AGBL4: variants seen among roughly 807,000 people sequenced by gnomAD.
AGBL4 encodes cytosolic carboxypeptidase 6.
Under a neutral mutation model 66.4 loss-of-function variants are expected in AGBL4, and 58 were observed. That is an observed-to-expected ratio of 0.87 (90% CI 0.71 to 1.09). The LOEUF is 1.09. Among genes scored for constraint, AGBL4 ranks in the 50% least tolerant of loss-of-function variants. The pLI, the probability that AGBL4 is intolerant of heterozygous loss-of-function variation, is 0.00. For synonymous variants in AGBL4, 234 were observed against 222.9 expected (o/e 1.05, Z -0.44); for missense variants, 579 against 631.0 (o/e 0.92, Z 0.88).
chr1:49,410,025 T>C (rs1645284509), intron 3 of AGBL4, among the ~76,000 whole-genome samples: 1 of 152,220 alleles, frequency 6.6e-6, no homozygotes. Flanking sequence ...GATGGATGTG[T>C]GGGTCCCTGA....
At chr1:49,849,046 G>A (rs1646233468) in intron 2 of AGBL4, among the ~76,000 whole-genome samples, 2 of 152,122 alleles carry the variant, frequency 1.3e-5, no homozygotes, top group South Asian at 2.1e-4. Context: ...GTGGGGGGAT[G>A]AGTTCAGGGA....
chr1:49,841,890 G>T, intron 2 of AGBL4: 1 of 622,196 alleles, frequency 1.6e-6, no homozygotes, highest in South Asian at 1.6e-5. Context: ...GCCAGGGCAT[G>T]ACCCCTGGGC....
At chr1:49,753,470 A>G (rs1651638392) in intron 2 of AGBL4, among the ~76,000 whole-genome samples, 1 of 152,132 alleles carries the variant, frequency 6.6e-6, no homozygotes, top group Non-Finnish European at 1.5e-5. Context: ...TTTGCGGGTA[A>G]TCTGACCTTT....
chr1:49,366,984 G>C (rs1056564314), intron 3 of AGBL4, among the ~76,000 whole-genome samples: 2 of 152,168 alleles, frequency 1.3e-5, no homozygotes, highest in Non-Finnish European at 2.9e-5. Context: ...GTGAGGCACA[G>C]ACATAGACAT....
At chr1:50,022,725 C>T (rs1032463472) in intron 1 of AGBL4, among the ~76,000 whole-genome samples, 1 of 151,448 alleles carries the variant, frequency 6.6e-6, no homozygotes, top group African/African-American at 2.4e-5. Context: ...GACATATATA[C>T]AAGGTTATGT....
chr1:48,776,875 G>A, intron 6 of AGBL4: 3 of 1,378,720 alleles, frequency 2.2e-6, no homozygotes, highest in South Asian at 1.4e-5. Flanking sequence ...CTCAGCCCGC[G>A]GGGCGGGCGC....
At chr1:49,463,121 T>C (rs953029920) in intron 3 of AGBL4, among the ~76,000 whole-genome samples, 14 of 151,750 alleles carry the variant, frequency 9.2e-5, no homozygotes, top group African/African-American at 3.4e-4. Flanking sequence ...TAATGCAATA[T>C]ACATAGGACA....
intron 6 of AGBL4, among the ~76,000 whole-genome samples, chr1:48,771,968 G>C (rs1570618358): frequency 6.6e-6 from 1 of 152,292 alleles, no homozygotes; most frequent in Admixed American, 6.5e-5. Flanking sequence ...CCTACGGCAG[G>C]TTTCTGTTCT....
chr1:49,382,671 C>A (rs942515602), intron 3 of AGBL4, among the ~76,000 whole-genome samples: 4 of 151,726 alleles, frequency 2.6e-5, no homozygotes, highest in Non-Finnish European at 4.4e-5. Flanking sequence ...GAGTAATTAG[C>A]CAAGAAAAAG....
At chr1:50,015,482 C>A (rs1392984898) in intron 1 of AGBL4, among the ~76,000 whole-genome samples, 2 of 152,164 alleles carry the variant, frequency 1.3e-5, no homozygotes, top group African/African-American at 4.8e-5. Flanking sequence ...CAGAGTGAGA[C>A]CTTGCCTCTA....
intron 1 of AGBL4, among the ~76,000 whole-genome samples, chr1:50,008,942 T>C (rs188617699): frequency 2.7e-4 from 41 of 152,002 alleles, no homozygotes; most frequent in Admixed American, 1.2e-3. Flanking sequence ...CCTACCAAGA[T>C]TGAACCATAA....
intron 3 of AGBL4, among the ~76,000 whole-genome samples, chr1:49,494,702 C>A (rs1486695420): frequency 6.6e-6 from 1 of 151,996 alleles, no homozygotes; most frequent in African/African-American, 2.4e-5. Flanking sequence ...GGTTCCAAGT[C>A]TTTGCTATTG....
intron 4 of AGBL4, among the ~76,000 whole-genome samples, chr1:49,133,658 T>C (rs1171638707): frequency 6.6e-6 from 1 of 152,124 alleles, no homozygotes; most frequent in Non-Finnish European, 1.5e-5. Flanking sequence ...TTGGTAAACA[T>C]ATTTTCTAAG....
At chr1:48,747,189 G>A (rs1477122273) in intron 6 of AGBL4, among the ~76,000 whole-genome samples, 1 of 152,174 alleles carries the variant, frequency 6.6e-6, no homozygotes, top group Non-Finnish European at 1.5e-5. Flanking sequence ...ACAATCTGGC[G>A]CAGATATTTT....
intron 3 of AGBL4, among the ~76,000 whole-genome samples, chr1:49,592,190 C>G (rs1644764161): frequency 6.6e-6 from 1 of 151,328 alleles, no homozygotes; most frequent in South Asian, 2.1e-4. Flanking sequence ...ACTATGCACT[C>G]AACAAAAATC....
intron 2 of AGBL4, among the ~76,000 whole-genome samples, chr1:49,764,410 G>C (rs1406098939): frequency 1.3e-5 from 2 of 152,012 alleles, no homozygotes; most frequent in Non-Finnish European, 2.9e-5. Context: ...ATAGTCCCTT[G>C]GGTTCCAATC....
intron 2 of AGBL4, among the ~76,000 whole-genome samples, chr1:49,813,670 C>T (rs1444054962): frequency 2.0e-5 from 3 of 152,116 alleles, no homozygotes; most frequent in Non-Finnish European, 4.4e-5. Flanking sequence ...AAAACAAACA[C>T]AATCCTATTC....
At chr1:49,842,078 A>G (rs532513231) in intron 2 of AGBL4, 13 of 347,408 alleles carry the variant, frequency 3.7e-5, no homozygotes, top group East Asian at 3.0e-4. Context: ...CCTGCCCTCT[A>G]CCTGCATGCC....
chr1:49,087,749 T>C (rs1403652052), intron 4 of AGBL4, among the ~76,000 whole-genome samples: 1 of 152,152 alleles, frequency 6.6e-6, no homozygotes, highest in Non-Finnish European at 1.5e-5. Context: ...CCTTGTGATA[T>C]ACTATACAAG....
Sources: allele counts gnomAD v4.1 joint callset (sites outside exome capture counted in the v4.1 genomes callset), GRCh38; gene constraint gnomAD v4.1.1; transcripts MANE v1.5; gene names NCBI Gene and HGNC (gene_info 2026-07-23, HGNC 2026-07-21).